The following SOAT1 variants were observed in gnomAD, a reference collection of about 807,000 sequenced individuals.
SOAT1 encodes sterol O-acyltransferase 1.
SOAT1 carries 55 observed loss-of-function variants against 69.5 expected under a neutral mutation model. The observed-to-expected ratio is 0.79, with a 90% CI of 0.64 to 0.99. SOAT1 has a LOEUF of 0.99. SOAT1 is among the 50% of genes least tolerant of loss of function. The pLI, the probability that SOAT1 is intolerant of heterozygous loss-of-function variation, is 0.00. For synonymous variants in SOAT1, 231 were observed against 224.7 expected (o/e 1.03, Z -0.25); for missense variants, 580 against 669.3 (o/e 0.87, Z 1.47).
chr1:179,330,174 T>C (rs1665925838), intron 3 of SOAT1, among the ~76,000 whole-genome samples: 1 of 152,118 alleles, frequency 6.6e-6, no homozygotes, highest in Non-Finnish European at 1.5e-5. Flanking sequence ...TTATGGTAAG[T>C]TGGCAGGCAG....
At chr1:179,337,770 C>T (rs1466720419) in intron 4 of SOAT1, 67 bp from the exon 5 acceptor site, 3 of 1,155,154 alleles carry the variant, frequency 2.6e-6, no homozygotes. Flanking sequence ...ATTCTCTTGT[C>T]TGTGGGATTA....
chr1:179,343,427 A>G (rs867857382), intron 9 of SOAT1, among the ~76,000 whole-genome samples, 163 bp from the exon 10 acceptor site: 1 of 152,060 alleles, frequency 6.6e-6, no homozygotes, highest in South Asian at 2.1e-4. Context: ...GGGTTTCACC[A>G]TATTGGCCAG....
At chr1:179,296,221 G>A (rs924890963) in intron 1 of SOAT1, among the ~76,000 whole-genome samples, 9 of 151,172 alleles carry the variant, frequency 6.0e-5, no homozygotes, top group African/African-American at 1.2e-4. Flanking sequence ...GGTCTGCCTC[G>A]GCCTCCCAAA....
chr1:179,352,773 C>T (rs1264779106), intron 15 of SOAT1, among the ~76,000 whole-genome samples: 1 of 151,428 alleles, frequency 6.6e-6, no homozygotes, highest in African/African-American at 2.4e-5. Flanking sequence ...CAAAGCTTCC[C>T]CTCTTTCTGT....
At position 179,347,640 on chromosome 1, in the gene SOAT1, C is replaced by CAT; in HGVS notation, c.1158_1159insAT (p.Cys387IlefsTer65). On this transcript the variant is annotated frameshift_variant, in exon 12 of 16. Coordinates refer to ENST00000367619, the MANE Select transcript of SOAT1 (RefSeq NM_003101.6). LOFTEE classifies it high-confidence loss of function. The stretch of plus-strand genomic sequence containing the variant: ...TCCTTACTTTTTTTGCCTTTTTGCA[C>CAT]TGCTGGCTCAATGCCTTTGCTGAGA... 1.2e-6 allele frequency: 2 copies of CAT among 1,613,464 alleles called. No individual in the cohort carries two copies. The highest frequency in any genetic ancestry group is 1.7e-6 in the Non-Finnish European group (2 of 1,179,604).
intron 3 of SOAT1, among the ~76,000 whole-genome samples, chr1:179,329,577 C>T (rs561371204): frequency 2.0e-5 from 3 of 151,566 alleles, no homozygotes; most frequent in Admixed American, 6.6e-5. Flanking sequence ...AAAAATTAGG[C>T]GGGTCTGGTG....
chr1:179,345,277 C>A (rs1666489681), intron 11 of SOAT1, among the ~76,000 whole-genome samples: 1 of 152,212 alleles, frequency 6.6e-6, no homozygotes, highest in African/African-American at 2.4e-5. Flanking sequence ...TTATGGCTTT[C>A]ACTCAAGTTG....
At chr1:179,317,663 G>C (rs1322258429) in intron 2 of SOAT1, among the ~76,000 whole-genome samples, 8 of 142,328 alleles carry the variant, frequency 5.6e-5, no homozygotes, top group Non-Finnish European at 1.5e-5. Context: ...TTTTAACGAA[G>C]ATAGCAAACT....
chr1:179,326,436 C>T (rs995833677), intron 3 of SOAT1, among the ~76,000 whole-genome samples: 1 of 152,028 alleles, frequency 6.6e-6, no homozygotes, highest in Non-Finnish European at 1.5e-5. Context: ...TGAGTCATCA[C>T]ATGCCATTTG....
intron 15 of SOAT1, among the ~76,000 whole-genome samples, chr1:179,353,007 A>T (rs544599155): frequency 6.7e-6 from 1 of 149,166 alleles, no homozygotes; most frequent in Non-Finnish European, 1.5e-5. Flanking sequence ...GTAGTGCTTC[A>T]TTTGCTCCTC....
chr1:179,323,894 G>A (rs7354893), intron 3 of SOAT1, among the ~76,000 whole-genome samples: 75,448 of 151,840 alleles, frequency 0.5, 19,706 homozygotes, highest in East Asian at 0.84. Context: ...ATAACAACTC[G>A]AAAAAAAATC....
Position 179,313,522 on chromosome 1 carries a change from A to G in SOAT1, c.119-9915A>G, listed in dbSNP as rs974820523. Reference sequence around the variant, plus strand: ...TGTGTATGTCTGTGTATATATGTGTATATATATATGTATATGTGTGTATAT... The same window carrying G: ...TGTGTATGTCTGTGTATATATGTGTGTATATATATGTATATGTGTGTATAT... On this transcript the variant is annotated intron_variant, in intron 2 of 15. Transcript: ENST00000367619. 5.3e-5 allele frequency among the ~76,000 whole-genome samples: 8 copies of G among 150,936 alleles called. 1 individual carries two copies. The highest frequency in any genetic ancestry group is 3.5e-3 in the Middle Eastern group (1 of 288).
intron 1 of SOAT1, 36 bp from the exon 2 acceptor site, chr1:179,302,641 G>T: frequency 7.3e-7 from 1 of 1,375,510 alleles, no homozygotes; most frequent in South Asian, 1.3e-5. Context: ...TGTGAAAACG[G>T]ACTAATACGA....
intron 4 of SOAT1, among the ~76,000 whole-genome samples, chr1:179,336,759 G>C (rs1666171871): frequency 6.6e-6 from 1 of 152,136 alleles, no homozygotes; most frequent in Admixed American, 6.5e-5. Context: ...CACTTTGGGA[G>C]ACCAAGGCAG....
intron 15 of SOAT1, 47 bp from the exon 16 acceptor site, chr1:179,353,538 A>T: frequency 6.5e-7 from 1 of 1,527,482 alleles, no homozygotes; most frequent in Non-Finnish European, 9.1e-7. Flanking sequence ...CACCTCCTCT[A>T]CTCTGTACAC....
intron 10 of SOAT1, among the ~76,000 whole-genome samples, chr1:179,344,351 GGGT>G (rs1666446616): frequency 2.3e-4 from 1 of 4,406 alleles, no homozygotes. Context: ...TTTCATTAAG[GGGT>G]TTTTTTTTTT....
At chr1:179,343,410 A>C (rs1666412204) in intron 9 of SOAT1, among the ~76,000 whole-genome samples, 180 bp from the exon 10 acceptor site, 1 of 151,850 alleles carries the variant, frequency 6.6e-6, no homozygotes, top group East Asian at 1.9e-4. Flanking sequence ...TATTTTTATT[A>C]GAGACGGGGT....
intron 2 of SOAT1, among the ~76,000 whole-genome samples, chr1:179,320,745 TA>T (rs1207960343): frequency 6.6e-6 from 1 of 152,142 alleles, no homozygotes; most frequent in Admixed American, 6.5e-5. Context: ...TTTACTTATT[TA>T]TTTTTTTGAG....
chr1:179,296,154 A>C (rs1664632237), intron 1 of SOAT1, among the ~76,000 whole-genome samples: 1 of 151,996 alleles, frequency 6.6e-6, no homozygotes, highest in Non-Finnish European at 1.5e-5. Context: ...TAGTAGAGAC[A>C]GGGAGGGTTT....
Sources: allele counts gnomAD v4.1 joint callset (sites outside exome capture counted in the v4.1 genomes callset), GRCh38; gene constraint gnomAD v4.1.1; transcripts MANE v1.5; gene names NCBI Gene and HGNC (gene_info 2026-07-23, HGNC 2026-07-21).